The following JHY variants were observed in gnomAD, a reference collection of about 807,000 sequenced individuals.
JHY encodes the protein jhy protein homolog.
A neutral mutation model predicts 78.0 loss-of-function variants in JHY; 69 were observed. That is an observed-to-expected ratio of 0.88 (90% confidence interval 0.73 to 1.08). JHY has a LOEUF of 1.08. Ranked by LOEUF, JHY falls within the 50% of genes least tolerant of loss-of-function variation. The pLI is 0.00. For synonymous variants in JHY, 368 were observed against 342.6 expected, an observed-to-expected ratio of 1.07 and a Z score of -0.82; for missense variants, 944 against 927.8, an observed-to-expected ratio of 1.02 and a Z score of -0.23.
intron 3 of JHY, among the ~76,000 whole-genome samples, chr11:122,910,876 C>T (rs940129398): frequency 6.6e-6 from 1 of 152,136 alleles, no homozygotes; most frequent in Non-Finnish European, 1.5e-5. Flanking sequence ...GCTGATTGTA[C>T]ATTAACATAC....
intron 3 of JHY, among the ~76,000 whole-genome samples, chr11:122,924,675 G>C (rs1048509049): frequency 6.6e-6 from 1 of 152,070 alleles, no homozygotes; most frequent in Non-Finnish European, 1.5e-5. Context: ...TGACCTTAAC[G>C]CACCAGTTTT....
chr11:122,933,311 A>G (rs1565327758), intron 4 of JHY, among the ~76,000 whole-genome samples: 1 of 152,266 alleles, frequency 6.6e-6, no homozygotes, highest in Non-Finnish European at 1.5e-5. Context: ...GTGTTCAGAA[A>G]GGAAGAAATA....
chr11:122,933,707 T>C (rs922162476), intron 4 of JHY, among the ~76,000 whole-genome samples: 1 of 152,228 alleles, frequency 6.6e-6, no homozygotes, highest in African/African-American at 2.4e-5. Flanking sequence ...TTGTTTCATC[T>C]GGTGAAGAGG....
intron 6 of JHY, among the ~76,000 whole-genome samples, chr11:122,954,604 A>G (rs988880910): frequency 3.3e-5 from 5 of 152,208 alleles, no homozygotes; most frequent in Admixed American, 6.5e-5. Context: ...AGTTAGATGT[A>G]TATCTTAGGA....
Position 122,904,389 on chromosome 11 carries a change from C to T in JHY, c.809C>T (p.Thr270Met). Residue 270 changes from threonine (T) to methionine (M), a missense_variant, in exon 3 of 9, where the codon ACG becomes ATG. Transcript: ENST00000227349. ...ACTTTGGGATTACCCACCCCGAAAA[C>T]GGACTCTTATCTTCAACTTCACAAT... The part of the protein sequence containing the change: ...KLTLGLPTPK[T>M]DSYLQLHNKK... The T allele has an allele frequency of 6.2e-7, 1 of 1,614,114 alleles. No individual in the cohort carries two copies. The highest frequency in any genetic ancestry group is 8.5e-7 in the Non-Finnish European group (1 of 1,179,998).
rs150680420 is a variant in JHY at position 122,934,541 on chromosome 11, G to A, written c.1100G>A (p.Arg367Gln). 2.1e-5 allele frequency: 34 copies of A among 1,613,882 alleles called. No homozygotes were observed. The African/African-American group carries it at 2.4e-4, about 11-fold the overall frequency. The part of the protein sequence containing the change: ...PSRRPAKLKI[R>Q]KQCKHQNGLK... The stretch of plus-strand genomic sequence containing the variant: ...AGAAGACCAGCCAAGCTCAAGATTC[G>A]AAAGCAGTGTAAACACCAGAATGGC... Residue 367 changes from arginine (R) to glutamine (Q), a missense_variant, in exon 5 of 9, where the codon CGA becomes CAA. Transcript: ENST00000227349.
At chr11:122,929,657 A>G (rs919584685) in intron 4 of JHY, among the ~76,000 whole-genome samples, 4 of 152,232 alleles carry the variant, frequency 2.6e-5, no homozygotes, top group African/African-American at 7.2e-5. Context: ...CATGCAACTC[A>G]TGTATATGGA....
intron 6 of JHY, among the ~76,000 whole-genome samples, chr11:122,948,165 C>T (rs1028674801): frequency 4.6e-5 from 7 of 152,096 alleles, no homozygotes; most frequent in Non-Finnish European, 7.4e-5. Context: ...ATTTCTAGGC[C>T]GGGCGTGGTG....
intron 3 of JHY, among the ~76,000 whole-genome samples, chr11:122,911,731 C>A (rs972338630): frequency 6.6e-6 from 1 of 151,060 alleles, no homozygotes; most frequent in African/African-American, 2.4e-5. Flanking sequence ...CATGGAGAAA[C>A]CCCATCTCTA....
intron 4 of JHY, among the ~76,000 whole-genome samples, chr11:122,927,873 G>GGCAC (rs979615508): frequency 2.6e-5 from 4 of 151,898 alleles, no homozygotes; most frequent in African/African-American, 9.7e-5. Context: ...TGGGATTACA[G>GGCAC]GCACCCACCA....
At chr11:122,937,872 G>A (rs145284805) in intron 5 of JHY, among the ~76,000 whole-genome samples, 1 of 152,140 alleles carries the variant, frequency 6.6e-6, no homozygotes, top group Non-Finnish European at 1.5e-5. Context: ...TTCTGCCCTC[G>A]CCCCTGATTG....
In JHY at chr11:122,934,472, C is replaced by T. The variant is rs1863704932; in HGVS notation, c.1031C>T (p.Pro344Leu). ...QYESTKSSNVPRGQPSDMVND... is the reference protein window; with the variant it reads ...QYESTKSSNVLRGQPSDMVND... The stretch of plus-strand genomic sequence containing the variant: ...GAAAGTACAAAATCAAGCAATGTAC[C>T]AAGAGGGCAACCTTCTGACATGGTG... Residue 344 changes from proline to leucine, a missense_variant, in exon 5 of 9, where the codon CCA (proline) becomes CTA (leucine). Transcript: ENST00000227349. 1 of 1,613,514 alleles carries T rather than the reference C, an allele frequency of 6.2e-7. No homozygotes were observed. Among genetic ancestry groups the T allele is most frequent in the Non-Finnish European group, 8.5e-7 (1 of 1,179,790 alleles).
intron 3 of JHY, among the ~76,000 whole-genome samples, chr11:122,909,841 C>A (rs1487474890): frequency 1.3e-5 from 2 of 151,986 alleles, no homozygotes; most frequent in African/African-American, 4.8e-5. Context: ...CAGTGACTGG[C>A]CCATAGCAAG....
intron 5 of JHY, among the ~76,000 whole-genome samples, chr11:122,946,055 C>A (rs892875020): frequency 2.0e-5 from 3 of 152,158 alleles, no homozygotes; most frequent in Non-Finnish European, 4.4e-5. Context: ...GCCTGTAGAC[C>A]CAAAACTCTT....
chr11:122,919,352 CAAA>C (rs72233254), intron 3 of JHY, among the ~76,000 whole-genome samples: 1 of 70,076 alleles, frequency 1.4e-5, no homozygotes, highest in South Asian at 5.5e-4. Context: ...GACTCTGTCT[CAAA>C]AAAAAAAAAA....
chr11:122,928,385 C>G (rs1863557997), intron 4 of JHY, among the ~76,000 whole-genome samples: 1 of 151,910 alleles, frequency 6.6e-6, no homozygotes, highest in Non-Finnish European at 1.5e-5. Context: ...AAAATTTTTT[C>G]TTGAAAAATG....
At chr11:122,958,876 T>C in intron 8 of JHY, 1 of 985,352 alleles carries the variant, frequency 1.0e-6, no homozygotes, top group Non-Finnish European at 1.2e-6. Context: ...AAGTCTTCTT[T>C]GGATAGAAAG....
chr11:122,945,759 A>C (rs1004153438), intron 5 of JHY, among the ~76,000 whole-genome samples: 6 of 152,208 alleles, frequency 3.9e-5, no homozygotes, highest in African/African-American at 1.4e-4. Context: ...GTAAATTTGA[A>C]ATCCAAATAT....
intron 4 of JHY, 33 bp downstream of exon 4, chr11:122,925,043 C>T (rs1405278866): frequency 6.9e-7 from 1 of 1,450,820 alleles, no homozygotes; most frequent in Non-Finnish European, 9.7e-7. Context: ...AAGTGTGTTT[C>T]AAGCGATACT....
Sources: gnomAD v4.1 joint callset for allele counts (sites outside exome capture counted in the v4.1 genomes callset) on GRCh38, gnomAD v4.1.1 for gene constraint, MANE v1.5 for transcripts, NCBI Gene and HGNC (gene_info 2026-07-23, HGNC 2026-07-21) for gene names.